EIPR1: variants seen among roughly 807,000 people sequenced by gnomAD.
EIPR1 encodes EARP complex and GARP complex interacting protein 1.
Under a neutral mutation model 48.1 loss-of-function variants are expected in EIPR1, and 25 were observed. That is an observed-to-expected ratio of 0.52 (90% CI 0.38 to 0.73). The LOEUF is 0.73. EIPR1 is among the 30% of genes least tolerant of loss of function. The pLI, the probability that EIPR1 is intolerant of heterozygous loss-of-function variation, is 0.00. For synonymous variants in EIPR1, 204 were observed against 201.9 expected (o/e 1.01, Z -0.09); for missense variants, 415 against 506.2 (o/e 0.82, Z 1.73).
At chr2:3,193,950 A>G (rs760195943) in intron 7 of EIPR1, 49 bp downstream of exon 7, 2 of 1,595,080 alleles carry the variant, frequency 1.3e-6, no homozygotes, top group Admixed American at 1.7e-5. Context: ...AATTAGCAAA[A>G]TCAATTGCGT....
chr2:3,257,916 C>T (rs957380481), intron 3 of EIPR1, among the ~76,000 whole-genome samples: 2 of 152,186 alleles, frequency 1.3e-5, no homozygotes, highest in African/African-American at 4.8e-5. Flanking sequence ...TTCGGAAATC[C>T]TGTCACGCAT....
intron 3 of EIPR1, among the ~76,000 whole-genome samples, chr2:3,287,759 C>T (rs542813378): frequency 6.7e-5 from 9 of 135,108 alleles, no homozygotes; most frequent in East Asian, 4.2e-4. Context: ...CACTATGCTC[C>T]AGAAAGCTCA....
At chr2:3,240,837 T>C (rs373056991) in intron 4 of EIPR1, among the ~76,000 whole-genome samples, 4 of 135,266 alleles carry the variant, frequency 3.0e-5, no homozygotes, top group African/African-American at 5.7e-5. Context: ...CAGCAGATCC[T>C]TCCTAAAGCA....
chr2:3,277,306 C>T (rs1245883750), intron 3 of EIPR1, among the ~76,000 whole-genome samples: 1 of 152,158 alleles, frequency 6.6e-6, no homozygotes, highest in Non-Finnish European at 1.5e-5. Flanking sequence ...CCACACGTGT[C>T]CTCTGTTCTC....
chr2:3,243,705 G>A (rs960626042), intron 4 of EIPR1, among the ~76,000 whole-genome samples: 2 of 151,974 alleles, frequency 1.3e-5, no homozygotes, highest in Non-Finnish European at 1.5e-5. Flanking sequence ...GCAAAACCAG[G>A]ACCATTTATC....
chr2:3,193,779 G>A (rs934110760), intron 7 of EIPR1, among the ~76,000 whole-genome samples: 1 of 152,188 alleles, frequency 6.6e-6, no homozygotes, highest in African/African-American at 2.4e-5. Flanking sequence ...ACTGTTTCAA[G>A]AGAAAACAGA....
At chr2:3,274,258 G>A in intron 3 of EIPR1, 1 of 1,517,194 alleles carries the variant, frequency 6.6e-7, no homozygotes. Context: ...CTATCTCCAA[G>A]TACCATAATT....
intron 5 of EIPR1, among the ~76,000 whole-genome samples, chr2:3,201,159 C>T (rs1019472805): frequency 6.6e-6 from 1 of 152,188 alleles, no homozygotes; most frequent in Non-Finnish European, 1.5e-5. Flanking sequence ...TCTCTCACTC[C>T]GGCCTGGCTC....
At chr2:3,196,502 C>A (rs1664810815) in intron 6 of EIPR1, among the ~76,000 whole-genome samples, 1 of 152,126 alleles carries the variant, frequency 6.6e-6, no homozygotes, top group Non-Finnish European at 1.5e-5. Flanking sequence ...AAGGACGACC[C>A]CAGGAGAGAC....
intron 3 of EIPR1, among the ~76,000 whole-genome samples, chr2:3,290,094 A>G (rs1668320843): frequency 6.6e-6 from 1 of 152,176 alleles, no homozygotes; most frequent in Non-Finnish European, 1.5e-5. Context: ...TGTACTTAGC[A>G]TTGTCTGTCC....
intron 5 of EIPR1, among the ~76,000 whole-genome samples, chr2:3,199,921 ATG>A (rs1664966426): frequency 1.0e-4 from 3 of 29,170 alleles, no homozygotes; most frequent in Non-Finnish European, 6.2e-5. Context: ...CTGGGCACAC[ATG>A]GGGGGGTGTC....
At chr2:3,216,394 C>T (rs901324791) in intron 4 of EIPR1, among the ~76,000 whole-genome samples, 3 of 152,150 alleles carry the variant, frequency 2.0e-5, no homozygotes, top group African/African-American at 7.2e-5. Context: ...AATGCAGTGA[C>T]AGTGACTTCT....
chr2:3,244,594 G>A (rs903381302), intron 4 of EIPR1, among the ~76,000 whole-genome samples: 1 of 152,154 alleles, frequency 6.6e-6, no homozygotes, highest in Non-Finnish European at 1.5e-5. Context: ...CTTTATCAAA[G>A]AGGCCTGAGG....
At chr2:3,220,758 C>T (rs1270967272) in intron 4 of EIPR1, among the ~76,000 whole-genome samples, 2 of 150,590 alleles carry the variant, frequency 1.3e-5, no homozygotes, top group African/African-American at 4.9e-5. Context: ...ACACAATGGC[C>T]GAGGTACACT....
rs559971020 is a variant in EIPR1 at position 3,201,001 on chromosome 2, G to A, written c.517-3984C>T. On this transcript the variant is annotated intron_variant, in intron 5 of 8. Coordinates refer to ENST00000382125, the MANE Select transcript of EIPR1 (RefSeq NM_003310.5). ...GCTCGGACGCTGGACTCAAACTAGC[G>A]CTAGCAAAGGGAAATTGAACCTGAG... is the stretch of plus-strand genomic sequence containing the variant. Among the ~76,000 whole-genome samples, 36 of 152,312 alleles carry A rather than the reference G, an allele frequency of 2.4e-4. No individual in the cohort carries two copies. The South Asian group carries it at 4.1e-3, about 18-fold the overall frequency.
chr2:3,339,961 A>C (rs879486710), intron 2 of EIPR1, among the ~76,000 whole-genome samples: 14 of 152,126 alleles, frequency 9.2e-5, no homozygotes, highest in Non-Finnish European at 1.9e-4. Flanking sequence ...ACAACAACAA[A>C]AAAACTTTGA....
rs1331837741 is a variant in EIPR1, at chr2:3,189,832, C to T, written c.990-324G>A. Among the ~76,000 whole-genome samples the T allele has an allele frequency of 6.6e-6, 1 of 152,180 alleles. No individual in the cohort carries two copies. The highest frequency in any genetic ancestry group is 1.5e-5 in the Non-Finnish European group (1 of 68,024). ...CCTGGGTTGATATTTTGTTGGAGGT[C>T]TTCCAAGGGCTTCCTTTAGCTCAGG... is the stretch of plus-strand genomic sequence containing the variant. On this transcript the variant is annotated intron_variant, in intron 8 of 8. Coordinates refer to ENST00000382125, the MANE Select transcript of EIPR1 (RefSeq NM_003310.5). The surrounding 1 kb of genome is among the most constrained non-coding windows in gnomAD (Gnocchi z 4.6).
At chr2:3,269,749 T>C (rs1177838427) in intron 3 of EIPR1, among the ~76,000 whole-genome samples, 2 of 151,960 alleles carry the variant, frequency 1.3e-5, no homozygotes, top group Admixed American at 1.3e-4. Context: ...CACTCAGTCA[T>C]TGCGTGGAAA....
intron 1 of EIPR1, among the ~76,000 whole-genome samples, chr2:3,373,175 C>G (rs1659748037): frequency 6.6e-6 from 1 of 151,800 alleles, no homozygotes; most frequent in Non-Finnish European, 1.5e-5. Flanking sequence ...TGACAAAATT[C>G]AACAACGCTT....
Sources: gnomAD v4.1 joint callset for allele counts (sites outside exome capture counted in the v4.1 genomes callset) on GRCh38, gnomAD v4.1.1 for gene constraint, Gnocchi (gnomAD v3.1) non-coding constraint, MANE v1.5 for transcripts, NCBI Gene and HGNC (gene_info 2026-07-23, HGNC 2026-07-21) for gene names.